ATP2B4: variants seen among roughly 807,000 people sequenced by gnomAD.
ATP2B4 encodes plasma membrane calcium-transporting ATPase 4.
Under a neutral mutation model 110.3 loss-of-function variants are expected in ATP2B4, and 39 were observed. The ratio of observed to expected loss-of-function variants is 0.35; its 90% CI spans 0.27 to 0.46. The LOEUF (loss-of-function observed/expected upper bound fraction) is 0.46, where lower values mean the gene tolerates loss of function less well. ATP2B4 is among the 20% of genes least tolerant of loss of function. ATP2B4 has a pLI of 1.00. For synonymous variants in ATP2B4, 538 were observed against 571.7 expected, an observed-to-expected ratio of 0.94 and a Z score of 0.84; for missense variants, 1,135 against 1,530.9, an observed-to-expected ratio of 0.74 and a Z score of 4.32.
At chr1:203,701,844 G>A (rs748871144) in intron 6 of ATP2B4, among the ~76,000 whole-genome samples, 200 bp from the exon 7 acceptor site, 1 of 152,160 alleles carries the variant, frequency 6.6e-6, no homozygotes, top group Non-Finnish European at 1.5e-5. Context: ...GCGTTTTGGT[G>A]GATATCCCGA....
rs746396969 is a variant in ATP2B4 at position 203,702,045 on chromosome 1, T to C, written c.903T>C (p.Gly301=). 1.1e-5 allele frequency: 17 copies of C among 1,613,970 alleles called. No homozygotes were observed. In the East Asian group the frequency reaches 3.6e-4, roughly 34 times the overall value. ...CTTTTTTCTTTCTTGTTCAAACAGGTAAAAAACAAGGAGTCCCTGAAAATC... is the reference window on the plus strand; with the variant it reads ...CTTTTTTCTTTCTTGTTCAAACAGGCAAAAAACAAGGAGTCCCTGAAAATC... ...EDDEGEKKKK[G]KKQGVPENRN... The change falls in exon 7 of 21, where the codon GGT becomes GGC. Residue 301 remains glycine, a splice_region_variant and synonymous_variant. Transcript: ENST00000357681.
chr1:203,708,159 A>G (rs1571747103), intron 10 of ATP2B4, 55 bp downstream of exon 10: 1 of 1,603,676 alleles, frequency 6.2e-7, no homozygotes, highest in South Asian at 1.1e-5. Flanking sequence ...GGGAACATCC[A>G]TTTTCTCTGA....
intron 13 of ATP2B4, 81 bp downstream of exon 13, chr1:203,712,220 C>G: frequency 6.8e-7 from 1 of 1,472,316 alleles, no homozygotes. Context: ...GGGTCATGTG[C>G]GGGAAGGTGG....
rs773914510 is a variant in ATP2B4 at position 203,712,123 on chromosome 1, G to C, written c.2195G>C (p.Arg732Pro). 5 of 1,613,926 alleles carry C rather than the reference G, an allele frequency of 3.1e-6. No individual in the cohort carries two copies. Among genetic ancestry groups the C allele is most frequent in the Non-Finnish European group, 4.2e-6 (5 of 1,179,904 alleles). ...GGCAAAGAATTCAACCGGCTCATCC[G>C]CAACGAGAAAGGCGAGGTGGGTCCT... ...LEGKEFNRLI[R>P]NEKGEVEQEK... Residue 732 changes from arginine (R) to proline (P), a missense_variant, in exon 13 of 21, where the codon CGC (arginine) becomes CCC (proline). By Grantham distance (103) the Arg-to-Pro change is moderately radical (BLOSUM62 -2). Transcript: ENST00000357681.
intron 10 of ATP2B4, among the ~76,000 whole-genome samples, chr1:203,709,069 A>G (rs1028687806): frequency 6.6e-6 from 1 of 152,172 alleles, no homozygotes; most frequent in African/African-American, 2.4e-5. Flanking sequence ...AGGCAGAAGA[A>G]TCACTTGAAC....
Position 203,739,548 on chromosome 1 carries a change from C to G in ATP2B4, c.3312C>G (p.Ile1104Met), listed in dbSNP as rs1666953287. 1 of 1,612,774 alleles carries G rather than the reference C, an allele frequency of 6.2e-7. No individual in the cohort carries two copies. The highest frequency in any genetic ancestry group is 1.7e-5 in the Admixed American group (1 of 59,906). The change falls in exon 21 of 21, where the codon ATC (isoleucine) becomes ATG (methionine). Residue 1104 changes from isoleucine to methionine, a missense_variant and splice_region_variant. Ile to Met is a conservative substitution (Grantham distance 10). Transcript: ENST00000357681. ...FRGLNRIQTQ[I>M]KVVKAFHSSL... ...TCCTTTTCCTTCCCCTGGTATAGATCAAAGTGGTCAAAGCGTTCCATAGTT... is the reference window on the plus strand; with the variant it reads ...TCCTTTTCCTTCCCCTGGTATAGATGAAAGTGGTCAAAGCGTTCCATAGTT...
chr1:203,728,781 C>G (rs12090350), intron 20 of ATP2B4, among the ~76,000 whole-genome samples: 2 of 151,804 alleles, frequency 1.3e-5, no homozygotes, highest in Non-Finnish European at 2.9e-5. Flanking sequence ...TACTTGAACC[C>G]GGGAGGCAGA....
chr1:203,669,638 T>C (rs1269172930), intron 1 of ATP2B4, among the ~76,000 whole-genome samples: 1 of 152,086 alleles, frequency 6.6e-6, no homozygotes, highest in African/African-American at 2.4e-5. Context: ...AGTTTCTCCA[T>C]ATTGGTCAGG....
chr1:203,695,582 C>T (rs1665508660), intron 2 of ATP2B4, among the ~76,000 whole-genome samples: 1 of 152,100 alleles, frequency 6.6e-6, no homozygotes, highest in Non-Finnish European at 1.5e-5. Context: ...AGCCATCAGG[C>T]ACCACTTCCC....
rs141584062 is a variant in ATP2B4, at chr1:203,698,525, T to G, written c.391+171T>G. ...GTAGCTACTAAGCTATTCTTCCAAC[T>G]CATCCTTATTCCAAGGGTTCCTCCC... On this transcript the variant is annotated intron_variant, in intron 3 of 20. Transcript: ENST00000357681. Among the ~76,000 whole-genome samples, 772 of 152,276 alleles carry G rather than the reference T, an allele frequency of 5.1e-3. 2 individuals are homozygous for G. Among genetic ancestry groups the G allele is most frequent in the Middle Eastern group, 0.014 (4 of 294 alleles).
intron 1 of ATP2B4, among the ~76,000 whole-genome samples, chr1:203,651,633 G>T (rs998746101): frequency 6.6e-6 from 1 of 152,176 alleles, no homozygotes; most frequent in African/African-American, 2.4e-5. Context: ...ACAGTAGTAC[G>T]CACCTGCAGT....
intron 2 of ATP2B4, among the ~76,000 whole-genome samples, chr1:203,685,143 G>A (rs899013723): frequency 3.3e-5 from 5 of 152,098 alleles, no homozygotes; most frequent in Non-Finnish European, 4.4e-5. Flanking sequence ...GAGCCACTGC[G>A]CCCGGCCTTA....
In ATP2B4 at chr1:203,723,386, C is replaced by G. The variant is rs969214863; in HGVS notation, c.3025-495C>G. 1.1e-3 allele frequency among the ~76,000 whole-genome samples: 35 copies of G among 32,022 alleles called. 1 individual carries two copies. The highest frequency in any genetic ancestry group is 1.9e-3 in the Non-Finnish European group (31 of 15,956). The allele number at this position is 32,022 out of a possible 152,430, so 21.0% of individuals were successfully genotyped here. ...AGTGTTATTACGCCTGCCATTTTTTCTTTTTGTTTTTTTTTTTTTCGTTTG... is the reference window on the plus strand; with the variant it reads ...AGTGTTATTACGCCTGCCATTTTTTGTTTTTGTTTTTTTTTTTTTCGTTTG... On this transcript the variant is annotated intron_variant, in intron 18 of 20. Transcript: ENST00000357681.
intron 15 of ATP2B4, among the ~76,000 whole-genome samples, chr1:203,719,618 G>A (rs1430218190): frequency 6.6e-6 from 1 of 152,106 alleles, no homozygotes; most frequent in Non-Finnish European, 1.5e-5. Context: ...GCTGAGGCAG[G>A]AGAGGAGACT....
rs567980711 is a variant in ATP2B4, at chr1:203,712,364, G to A, written c.2211+225G>A. Among the ~76,000 whole-genome samples, 200 of 152,262 alleles carry A rather than the reference G, an allele frequency of 1.3e-3. 1 individual carries two copies. Among genetic ancestry groups the A allele is most frequent in the Non-Finnish European group, 2.2e-3 (148 of 68,014 alleles). ...TTCCAGCACTTTGGGAGGCCACGGC[G>A]GGTGGATCACAAGGTCAAGAGATAG... On this transcript the variant is annotated intron_variant, in intron 13 of 20. Transcript: ENST00000357681.
intron 18 of ATP2B4, 132 bp downstream of exon 18, chr1:203,722,821 T>C (rs1275622806): frequency 6.0e-6 from 5 of 836,844 alleles, no homozygotes. Flanking sequence ...GTTGAACACT[T>C]TGGGATTCCC....
intron 15 of ATP2B4, among the ~76,000 whole-genome samples, chr1:203,719,225 GAAAAAAAA>G: frequency 1.8e-5 from 1 of 54,410 alleles, no homozygotes; most frequent in South Asian, 6.1e-4. Flanking sequence ...ACCCTGTCTC[GAAAAAAAA>G]AAAAAAAAAA....
chr1:203,736,774 C>T (rs1011513403), intron 20 of ATP2B4, among the ~76,000 whole-genome samples: 2 of 152,234 alleles, frequency 1.3e-5, no homozygotes, highest in African/African-American at 4.8e-5. Context: ...ATGCACCAGG[C>T]ATCATGCTCC....
At position 203,739,769 on chromosome 1, in the gene ATP2B4, A is replaced by C; in HGVS notation, c.3533A>C (p.Asn1178Thr). Residue 1178 changes from asparagine (N) to threonine (T), a missense_variant, in exon 21 of 21, where the codon AAT (asparagine) becomes ACT (threonine). Around this residue, in one of 9 missense-constraint regions of ATP2B4, gnomAD observed 92 missense variants for 82.5 expected, o/e 1.11. Transcript: ENST00000357681. ...GATGGTGAGGTCACTCCATATGCCA[A>C]TACAAACAACAATGCGGTGGATTGC... Reference protein sequence around the residue: ...LLDGEVTPYANTNNNAVDCNQ... With the variant: ...LLDGEVTPYATTNNNAVDCNQ... The C allele has an allele frequency of 6.2e-7, 1 of 1,614,188 alleles. No individual in the cohort carries two copies. Among genetic ancestry groups the C allele is most frequent in the Non-Finnish European group, 8.5e-7 (1 of 1,180,036 alleles).
Sources: allele counts gnomAD v4.1 joint callset (sites outside exome capture counted in the v4.1 genomes callset), GRCh38; gene constraint gnomAD v4.1.1; regional missense constraint gnomAD v4.1.1; transcripts MANE v1.5; gene names NCBI Gene and HGNC (gene_info 2026-07-23, HGNC 2026-07-21).